USP7: variants seen among roughly 807,000 people sequenced by gnomAD.
The protein encoded by USP7 is ubiquitin specific peptidase 7.
Under a neutral mutation model 162.9 loss-of-function variants are expected in USP7, and 9 were observed. The observed-to-expected ratio is 0.06, with a 90% CI of 0.03 to 0.10. USP7 has a LOEUF of 0.10. USP7 is among the 10% of genes least tolerant of loss of function. The probability of loss-of-function intolerance (pLI) is 1.00; values close to 1 mark genes in which losing one functional copy is unlikely to be tolerated. For missense variants in USP7, 715 were observed against 1,373.7 expected (o/e 0.52, Z 7.58); for synonymous variants, 562 against 475.9 (o/e 1.18, Z -2.35).
At chr16:8,904,098 GCCA>G (rs1181342276) in intron 15 of USP7, among the ~76,000 whole-genome samples, 1 of 152,078 alleles carries the variant, frequency 6.6e-6, no homozygotes, top group African/African-American at 2.4e-5. Flanking sequence ...GGCTCTGCCC[GCCA>G]CCAACAGGGC....
intron 1 of USP7, among the ~76,000 whole-genome samples, chr16:8,937,196 G>A (rs1837593068): frequency 8.1e-6 from 1 of 123,048 alleles, no homozygotes; most frequent in South Asian, 3.1e-4. Flanking sequence ...GCAACACAGT[G>A]AGACTCTGTC....
intron 1 of USP7, chr16:8,936,824 G>A: frequency 9.1e-7 from 1 of 1,095,332 alleles, no homozygotes; most frequent in South Asian, 2.7e-5. Context: ...GGATATTAAT[G>A]GAAAAACTGG....
At chr16:8,897,802 G>A (rs1327304967) in intron 25 of USP7, among the ~76,000 whole-genome samples, 3 of 144,980 alleles carry the variant, frequency 2.1e-5, no homozygotes, top group Non-Finnish European at 4.5e-5. Flanking sequence ...GGGGGGCTGA[G>A]GTGGGAGGAT....
chr16:8,922,496 CT>C (rs927661339), intron 3 of USP7, among the ~76,000 whole-genome samples: 2 of 152,120 alleles, frequency 1.3e-5, no homozygotes, highest in Non-Finnish European at 2.9e-5. Flanking sequence ...ATTTTATTCC[CT>C]GGGGGATCTG....
At chr16:8,936,600 T>A in intron 1 of USP7, 1 of 1,555,808 alleles carries the variant, frequency 6.4e-7, no homozygotes, top group Non-Finnish European at 8.6e-7. Flanking sequence ...CCCAAGCCTG[T>A]GGTTCCCAGC....
At chr16:8,940,300 G>A (rs1314637188) in intron 1 of USP7, among the ~76,000 whole-genome samples, 2 of 152,188 alleles carry the variant, frequency 1.3e-5, no homozygotes, top group African/African-American at 4.8e-5. Context: ...TTTGTCCAAT[G>A]GCAAATGTCA....
At chr16:8,943,111 C>T (rs1899123295) in intron 1 of USP7, among the ~76,000 whole-genome samples, 1 of 152,078 alleles carries the variant, frequency 6.6e-6, no homozygotes, top group African/African-American at 2.4e-5. Flanking sequence ...GAAAACCAAG[C>T]CCCAAAGAAG....
intron 1 of USP7, among the ~76,000 whole-genome samples, chr16:8,960,490 A>G (rs1033286501): frequency 6.6e-6 from 1 of 152,234 alleles, no homozygotes; most frequent in African/African-American, 2.4e-5. Flanking sequence ...GATAGAGACA[A>G]AACAAACGAA....
chr16:8,951,938 G>A (rs1402760432), intron 1 of USP7, among the ~76,000 whole-genome samples: 1 of 152,180 alleles, frequency 6.6e-6, no homozygotes, highest in Non-Finnish European at 1.5e-5. Flanking sequence ...TCAGGCAGTG[G>A]GCTACTTTCT....
intron 1 of USP7, among the ~76,000 whole-genome samples, chr16:8,961,504 A>AAAG (rs558975663): frequency 1.7e-5 from 1 of 60,562 alleles, no homozygotes; most frequent in Non-Finnish European, 3.1e-5. Flanking sequence ...AAAAAAAAAA[A>AAAG]GGGGGGGGGG....
chr16:8,920,440 G>A lies in USP7; in HGVS notation c.530C>T (p.Thr177Ile), dbSNP rs769192378. Residue 177 changes from threonine (T) to isoleucine (I), a missense_variant, in exon 5 of 31, where the codon ACC becomes ATC. This residue lies in a region of USP7 where 30 missense variants were observed against 27.6 expected (regional missense o/e 1.09). Coordinates refer to ENST00000344836, the MANE Select transcript of USP7 (RefSeq NM_003470.3). ...ATCTATAAATCCTTTCTCAGGATCG[G>A]TCACTTCCTATAAAACATAAATAAG... ...FSNFMAWSEV[T>I]DPEKGFIDDD... 1 of 1,611,428 alleles carries A rather than the reference G, an allele frequency of 6.2e-7. No individual in the cohort carries two copies. Among genetic ancestry groups the A allele is most frequent in the Non-Finnish European group, 8.5e-7 (1 of 1,179,238 alleles).
In USP7 at chr16:8,898,469, C is replaced by T; in HGVS notation, c.2641-32G>A. 1.2e-6 allele frequency: 2 copies of T among 1,606,716 alleles called. 1 individual carries two copies. The highest frequency in any genetic ancestry group is 2.2e-5 in the South Asian group (2 of 89,554). On this transcript the variant is annotated intron_variant, in intron 24 of 30. Coordinates refer to ENST00000344836, the MANE Select transcript of USP7 (RefSeq NM_003470.3). ...AGAAAAGAAAGATTCACATCAGATA[C>T]CGTCACCAAAACCCCGAGCCTTCTC...
At chr16:8,936,306 C>T (rs909692137) in intron 1 of USP7, among the ~76,000 whole-genome samples, 2 of 152,098 alleles carry the variant, frequency 1.3e-5, no homozygotes, top group East Asian at 1.9e-4. Flanking sequence ...CATCTCACCC[C>T]GCCCCCATCA....
chr16:8,896,915 G>T, intron 26 of USP7, 84 bp downstream of exon 26: 1 of 1,036,188 alleles, frequency 9.7e-7, no homozygotes, highest in Non-Finnish European at 1.5e-6. Flanking sequence ...CCAGCTGGGT[G>T]ATTTCCACCA....
chr16:8,951,207 A>T (rs1899530327), intron 1 of USP7, among the ~76,000 whole-genome samples: 1 of 152,286 alleles, frequency 6.6e-6, no homozygotes, highest in Non-Finnish European at 1.5e-5. Flanking sequence ...TACAAACTAA[A>T]TATTGTTTCC....
chr16:8,931,849 T>G (rs1455627729), intron 1 of USP7, among the ~76,000 whole-genome samples: 2 of 152,218 alleles, frequency 1.3e-5, no homozygotes. Context: ...AATAGCTCAC[T>G]GCAACTAATG....
chr16:8,895,065 G>A lies in USP7; in HGVS notation c.3005C>T (p.Thr1002Met). 1 of 1,614,218 alleles carries A rather than the reference G, an allele frequency of 6.2e-7. No homozygotes were observed. The highest frequency in any genetic ancestry group is 8.5e-7 in the Non-Finnish European group (1 of 1,180,040). The change falls in exon 28 of 31, where the codon ACG becomes ATG. Residue 1002 changes from threonine to methionine, a missense_variant. Thr to Met is a moderately conservative substitution (Grantham distance 81, BLOSUM62 -1). This residue lies in a region of USP7 where 222 missense variants were observed against 441.7 expected (regional missense o/e 0.50). Coordinates refer to ENST00000344836, the MANE Select transcript of USP7 (RefSeq NM_003470.3). Reference sequence around the variant, plus strand: ...CCTCAGCAAAAACGGGATTCCGAACGTTCCGAAGACCTCTTTGTGGAAATG... The same window carrying A: ...CCTCAGCAAAAACGGGATTCCGAACATTCCGAAGACCTCTTTGTGGAAATG... ...VAHFHKEVFGTFGIPFLLRIH... is the reference protein window; with the variant it reads ...VAHFHKEVFGMFGIPFLLRIH...
intron 20 of USP7, 106 bp from the exon 21 acceptor site, chr16:8,900,736 CCA>C: frequency 1.2e-6 from 1 of 811,854 alleles, no homozygotes; most frequent in South Asian, 1.9e-5. Flanking sequence ...CCAATTCTAT[CCA>C]CCTTTTAAGT....
chr16:8,936,245 C>G (rs577883808), intron 1 of USP7, among the ~76,000 whole-genome samples: 2 of 152,186 alleles, frequency 1.3e-5, no homozygotes, highest in South Asian at 2.1e-4. Context: ...ACGGCAGATA[C>G]GCATGGGCCA....
Sources: gnomAD v4.1 joint callset for allele counts (sites outside exome capture counted in the v4.1 genomes callset) on GRCh38, gnomAD v4.1.1 for gene constraint, gnomAD v4.1.1 regional missense constraint, MANE v1.5 for transcripts, NCBI Gene and HGNC (gene_info 2026-07-23, HGNC 2026-07-21) for gene names.